CNTNAP2: variants seen among roughly 807,000 people sequenced by gnomAD.
The protein encoded by CNTNAP2 is contactin-associated protein-like 2.
A neutral mutation model predicts 155.2 loss-of-function variants in CNTNAP2; 98 were observed. The ratio of observed to expected loss-of-function variants is 0.63; its 90% CI spans 0.54 to 0.75. The LOEUF (loss-of-function observed/expected upper bound fraction) is 0.75. Ranked by LOEUF, CNTNAP2 falls within the 30% of genes least tolerant of loss-of-function variation. CNTNAP2 has a pLI of 0.00. For synonymous variants in CNTNAP2, 651 were observed against 631.2 expected (o/e 1.03, Z -0.47); for missense variants, 1,727 against 1,688.1 (o/e 1.02, Z -0.40).
intron 21 of CNTNAP2, among the ~76,000 whole-genome samples, chr7:148,367,256 C>T (rs1185791056): frequency 1.3e-5 from 2 of 151,126 alleles, no homozygotes; most frequent in Admixed American, 6.6e-5. Context: ...AAAAGAAAAA[C>T]CATCACATAT....
In CNTNAP2 at chr7:146,953,057, A is replaced by T. The variant is rs1584745459; in HGVS notation, c.403-90850A>T. Among the ~76,000 whole-genome samples, 3 of 152,088 alleles carry T rather than the reference A, an allele frequency of 2.0e-5. No homozygotes were observed. In the East Asian group the frequency reaches 5.8e-4, roughly 29 times the overall value. On this transcript the variant is annotated intron_variant, in intron 3 of 23. Coordinates refer to ENST00000361727, the MANE Select transcript of CNTNAP2 (RefSeq NM_014141.6). ...ACTTCTATTGAAATCTTGGAAGTAA[A>T]TGAACAGATCATAGAATATTCTAGC...
chr7:146,348,593 A>G (rs930479711), intron 1 of CNTNAP2, among the ~76,000 whole-genome samples: 3 of 152,122 alleles, frequency 2.0e-5, no homozygotes, highest in African/African-American at 7.2e-5. Context: ...TCTAGCATTT[A>G]TAACTCTTCT....
intron 3 of CNTNAP2, among the ~76,000 whole-genome samples, chr7:146,927,271 GA>G (rs1463885347): frequency 6.6e-6 from 1 of 152,068 alleles, no homozygotes; most frequent in Non-Finnish European, 1.5e-5. Flanking sequence ...ATGTATTGTA[GA>G]AAACTGTTTT....
At chr7:148,068,792 G>T (rs966009124) in intron 15 of CNTNAP2, among the ~76,000 whole-genome samples, 2 of 152,174 alleles carry the variant, frequency 1.3e-5, no homozygotes, top group Admixed American at 1.3e-4. Flanking sequence ...TGAGTAGGTT[G>T]TTCCCTCAGC....
chr7:147,093,134 A>C (rs978823804), intron 4 of CNTNAP2, among the ~76,000 whole-genome samples: 1 of 150,140 alleles, frequency 6.7e-6, no homozygotes, highest in Admixed American at 6.7e-5. Flanking sequence ...CCAGCTACTC[A>C]GGAGGCTGAG....
intron 3 of CNTNAP2, among the ~76,000 whole-genome samples, chr7:147,020,114 G>T (rs1203911181): frequency 6.6e-6 from 1 of 152,006 alleles, no homozygotes; most frequent in Non-Finnish European, 1.5e-5. Context: ...ATGTTTGTAG[G>T]TGATTGTAGT....
Position 146,913,848 on chromosome 7 carries a change from C to G in CNTNAP2, c.402+73944C>G, listed in dbSNP as rs185262243. ...GGTGATTTCTGAGATTTTGGAGCAC[C>G]CATCACCTGAGCAGTGTACACCGTA... On this transcript the variant is annotated intron_variant, in intron 3 of 23. Transcript: ENST00000361727. Among the ~76,000 whole-genome samples the G allele has an allele frequency of 4.7e-4, 72 of 151,858 alleles. 1 individual carries two copies. In the East Asian group the frequency reaches 0.011, roughly 23 times the overall value.
At chr7:148,076,210 G>T (rs1202164749) in intron 15 of CNTNAP2, among the ~76,000 whole-genome samples, 1 of 152,082 alleles carries the variant, frequency 6.6e-6, no homozygotes, top group Non-Finnish European at 1.5e-5. Flanking sequence ...GTTCTCAGGA[G>T]GGTGACTTTT....
intron 1 of CNTNAP2, among the ~76,000 whole-genome samples, chr7:146,270,853 G>T (rs1306609104): frequency 1.3e-5 from 2 of 151,672 alleles, no homozygotes; most frequent in African/African-American, 2.4e-5. Flanking sequence ...TACCTTAAAG[G>T]GTCAATTATT....
intron 10 of CNTNAP2, among the ~76,000 whole-genome samples, chr7:147,482,350 G>A (rs1798435534): frequency 6.6e-6 from 1 of 152,014 alleles, no homozygotes; most frequent in Non-Finnish European, 1.5e-5. Context: ...TGAACAAGTT[G>A]GTTAGGAAAT....
At chr7:147,729,273 C>T (rs1428677314) in intron 13 of CNTNAP2, among the ~76,000 whole-genome samples, 3 of 151,822 alleles carry the variant, frequency 2.0e-5, no homozygotes, top group Admixed American at 6.6e-5. Context: ...TTAGCCTTAT[C>T]TCACCTCAGG....
rs114653766 is a variant in CNTNAP2, at chr7:146,542,980, T to C, written c.98-231291T>C. Among the ~76,000 whole-genome samples, 1,335 of 151,856 alleles carry C rather than the reference T, an allele frequency of 8.8e-3. 15 individuals carry two copies. Among genetic ancestry groups the C allele is most frequent in the African/African-American group, 0.031 (1,279 of 41,464 alleles). ...TTTCAGTCAAATAAGAAGAATAAATTCAAGAAATGTATTGTACCACATGAT... is the reference window on the plus strand; with the variant it reads ...TTTCAGTCAAATAAGAAGAATAAATCCAAGAAATGTATTGTACCACATGAT... On this transcript the variant is annotated intron_variant, in intron 1 of 23. Coordinates refer to ENST00000361727, the MANE Select transcript of CNTNAP2 (RefSeq NM_014141.6).
At chr7:147,838,102 G>T (rs1159339709) in intron 13 of CNTNAP2, among the ~76,000 whole-genome samples, 2 of 152,156 alleles carry the variant, frequency 1.3e-5, no homozygotes, top group African/African-American at 4.8e-5. Flanking sequence ...CCAGGACTTG[G>T]GGCTTGCACC....
At chr7:148,025,712 A>G (rs1034615153) in intron 15 of CNTNAP2, among the ~76,000 whole-genome samples, 2 of 152,200 alleles carry the variant, frequency 1.3e-5, no homozygotes, top group Non-Finnish European at 1.5e-5. Flanking sequence ...TTGCAATAAC[A>G]TAATACTTAC....
intron 1 of CNTNAP2, among the ~76,000 whole-genome samples, chr7:146,557,760 C>T (rs891322594): frequency 1.3e-5 from 2 of 152,054 alleles, no homozygotes; most frequent in Admixed American, 6.6e-5. Context: ...TTGTATGCTC[C>T]CTGTGTGTGA....
intron 1 of CNTNAP2, among the ~76,000 whole-genome samples, chr7:146,142,738 T>G (rs543431911): frequency 6.6e-6 from 1 of 152,212 alleles, no homozygotes; most frequent in Non-Finnish European, 1.5e-5. Flanking sequence ...AATACATCTT[T>G]TGGTTTATGG....
At chr7:147,890,033 C>T (rs1373752599) in intron 13 of CNTNAP2, among the ~76,000 whole-genome samples, 2 of 151,742 alleles carry the variant, frequency 1.3e-5, no homozygotes, top group African/African-American at 4.8e-5. Context: ...TAAAAAGACA[C>T]TTTTACAAAA....
intron 21 of CNTNAP2, among the ~76,000 whole-genome samples, chr7:148,278,228 A>C (rs1048229911): frequency 3.3e-5 from 5 of 152,158 alleles, no homozygotes; most frequent in African/African-American, 1.2e-4. Context: ...TTCCATACTT[A>C]GGAGGTGGAT....
intron 20 of CNTNAP2, among the ~76,000 whole-genome samples, chr7:148,236,649 G>A (rs1796045498): frequency 6.6e-6 from 1 of 152,100 alleles, no homozygotes; most frequent in African/African-American, 2.4e-5. Flanking sequence ...AGTCTGTCTT[G>A]CACTGCTATA....
Sources: allele counts gnomAD v4.1 joint callset (sites outside exome capture counted in the v4.1 genomes callset), GRCh38; gene constraint gnomAD v4.1.1; transcripts MANE v1.5; gene names NCBI Gene and HGNC (gene_info 2026-07-23, HGNC 2026-07-21).